The following RALYL variants were observed in gnomAD, a reference collection of about 807,000 sequenced individuals.
RALYL encodes RNA-binding Raly-like protein.
In RALYL, 29 loss-of-function variants were observed where a neutral mutation model predicts 35.1. The observed-to-expected ratio is 0.83, with a 90% confidence interval of 0.61 to 1.13. The LOEUF (loss-of-function observed/expected upper bound fraction) is 1.13, where lower values mean the gene tolerates loss of function less well. RALYL is among the 50% of genes most tolerant of loss of function. RALYL has a pLI of 0.00. For synonymous variants in RALYL, 120 were observed against 127.6 expected (o/e 0.94, Z 0.40); for missense variants, 359 against 360.4 (o/e 1.00, Z 0.03).
At chr8:84,601,632 AAAG>A (rs1815984915) in intron 2 of RALYL, among the ~76,000 whole-genome samples, 1 of 152,022 alleles carries the variant, frequency 6.6e-6, no homozygotes, top group Non-Finnish European at 1.5e-5. Flanking sequence ...GAAAAAAAAA[AAAG>A]AGAATTCCAT....
chr8:84,771,211 T>C (rs73300161), intron 2 of RALYL, among the ~76,000 whole-genome samples: 6,044 of 152,212 alleles, frequency 0.04, 371 homozygotes, highest in African/African-American at 0.14. Flanking sequence ...TGGCCCTAAT[T>C]CATTTTCTCT....
chr8:84,910,581 A>G (rs1847339052), intron 8 of RALYL, among the ~76,000 whole-genome samples: 1 of 152,068 alleles, frequency 6.6e-6, no homozygotes, highest in African/African-American at 2.4e-5. Flanking sequence ...AAAAATATAT[A>G]TAAGAGATAA....
chr8:84,460,611 T>A (rs1310344949), intron 1 of RALYL, among the ~76,000 whole-genome samples: 1 of 151,746 alleles, frequency 6.6e-6, no homozygotes, highest in East Asian at 1.9e-4. Flanking sequence ...GAAAAGCCTA[T>A]ATATGTATTT....
chr8:84,411,321 T>A (rs1380469751), intron 1 of RALYL, among the ~76,000 whole-genome samples: 1 of 151,838 alleles, frequency 6.6e-6, no homozygotes, highest in Non-Finnish European at 1.5e-5. Context: ...TCAGTTGGTG[T>A]TTTACAGTAT....
At chr8:84,766,570 T>TAAATAAAA (rs1353877907) in intron 2 of RALYL, among the ~76,000 whole-genome samples, 8 of 137,554 alleles carry the variant, frequency 5.8e-5, no homozygotes, top group South Asian at 4.4e-4. Context: ...AATAAATAAA[T>TAAATAAAA]AAAATTAGCC....
chr8:84,219,605 G>A (rs1376668034), intron 1 of RALYL, among the ~76,000 whole-genome samples: 2 of 152,054 alleles, frequency 1.3e-5, no homozygotes, highest in Non-Finnish European at 2.9e-5. Context: ...CTGTGTGTGT[G>A]TGTGAGTGTG....
rs200404535 is a variant in RALYL, at chr8:84,366,540, G to A, written c.-23-162759G>A. On this transcript the variant is annotated intron_variant, in intron 1 of 8. Transcript: ENST00000521268. ...GCCTATGATCCCAGCCCTTTGGGAG[G>A]CTGAGGAGGGCAGATCATGAGGTCA... Among the ~76,000 whole-genome samples the A allele has an allele frequency of 7.9e-5, 12 of 152,136 alleles. No homozygotes were observed. The East Asian group carries it at 2.3e-3, about 29-fold the overall frequency.
At chr8:84,547,574 T>A (rs2060448164) in intron 2 of RALYL, among the ~76,000 whole-genome samples, 1 of 152,006 alleles carries the variant, frequency 6.6e-6, no homozygotes. Flanking sequence ...AGAGACAGGG[T>A]TTCATCATGT....
chr8:84,277,324 C>T (rs1163366154), intron 1 of RALYL, among the ~76,000 whole-genome samples: 2 of 152,146 alleles, frequency 1.3e-5, no homozygotes, highest in Admixed American at 1.3e-4. Context: ...TATTCACTAC[C>T]ATGAGAACAG....
chr8:84,554,755 C>T (rs748967659), intron 2 of RALYL, among the ~76,000 whole-genome samples: 4 of 152,076 alleles, frequency 2.6e-5, no homozygotes, highest in Non-Finnish European at 4.4e-5. Flanking sequence ...AACAGTGCCT[C>T]GTCTCTTAGG....
intron 3 of RALYL, among the ~76,000 whole-genome samples, chr8:84,779,093 TG>T (rs1817512199): frequency 2.6e-5 from 4 of 152,234 alleles, no homozygotes; most frequent in Admixed American, 2.0e-4. Context: ...CTGGCCCTAA[TG>T]GTGAATAGCT....
At chr8:84,518,200 G>A (rs1429343487) in intron 1 of RALYL, among the ~76,000 whole-genome samples, 1 of 131,032 alleles carries the variant, frequency 7.6e-6, no homozygotes, top group Non-Finnish European at 1.7e-5. Context: ...ATTATTTCTG[G>A]AGTAAGATCT....
chr8:84,593,059 T>G (rs1294694175), intron 2 of RALYL, among the ~76,000 whole-genome samples: 1 of 152,160 alleles, frequency 6.6e-6, no homozygotes, highest in African/African-American at 2.4e-5. Context: ...ACTGCTTTTT[T>G]CACATTACCT....
chr8:84,454,503 G>T (rs1563959412), intron 1 of RALYL, among the ~76,000 whole-genome samples: 1 of 151,974 alleles, frequency 6.6e-6, no homozygotes, highest in African/African-American at 2.4e-5. Context: ...TTTATAAAGA[G>T]CCTCACATTT....
chr8:84,332,987 T>G (rs1296341049), intron 1 of RALYL, among the ~76,000 whole-genome samples: 4 of 152,184 alleles, frequency 2.6e-5, no homozygotes, highest in Non-Finnish European at 4.4e-5. Flanking sequence ...CTCTAGTACA[T>G]TCCTACGCTA....
intron 1 of RALYL, among the ~76,000 whole-genome samples, chr8:84,261,779 A>C (rs1586620694): frequency 6.6e-6 from 1 of 152,024 alleles, no homozygotes; most frequent in East Asian, 1.9e-4. Context: ...TTTTATTTTT[A>C]ATATGTTTTA....
intron 1 of RALYL, among the ~76,000 whole-genome samples, chr8:84,262,110 T>G (rs1832423138): frequency 6.6e-6 from 1 of 152,142 alleles, no homozygotes; most frequent in African/African-American, 2.4e-5. Flanking sequence ...ATGACACCAG[T>G]GAATGTGGAG....
chr8:84,437,183 T>C (rs2047829151), intron 1 of RALYL, among the ~76,000 whole-genome samples: 1 of 152,188 alleles, frequency 6.6e-6, no homozygotes, highest in Admixed American at 6.6e-5. Context: ...TCCATGTTGC[T>C]GCAAAGGACG....
At chr8:84,840,466 G>A (rs949862480) in intron 4 of RALYL, among the ~76,000 whole-genome samples, 2 of 152,218 alleles carry the variant, frequency 1.3e-5, no homozygotes, top group Non-Finnish European at 2.9e-5. Context: ...ATGGGACTAT[G>A]TGAAAAGACC....
Sources: gnomAD v4.1 joint callset for allele counts (sites outside exome capture counted in the v4.1 genomes callset) on GRCh38, gnomAD v4.1.1 for gene constraint, MANE v1.5 for transcripts, NCBI Gene and HGNC (gene_info 2026-07-23, HGNC 2026-07-21) for gene names.